Variants in ZC3H12C observed in about 807,000 individuals in gnomAD.
The protein encoded by ZC3H12C is probable ribonuclease ZC3H12C.
A neutral mutation model predicts 76.3 loss-of-function variants in ZC3H12C; 20 were observed. The ratio of observed to expected loss-of-function variants is 0.26; its 90% CI spans 0.18 to 0.38. The LOEUF is 0.38. ZC3H12C is among the 10% of genes least tolerant of loss of function. The probability of loss-of-function intolerance (pLI) is 1.00; values close to 1 mark genes in which losing one functional copy is unlikely to be tolerated. For synonymous variants in ZC3H12C, 352 were observed against 399.6 expected, an observed-to-expected ratio of 0.88 and a Z score of 1.42; for missense variants, 874 against 1,086.5, an observed-to-expected ratio of 0.80 and a Z score of 2.75.
intron 1 of ZC3H12C, among the ~76,000 whole-genome samples, chr11:110,096,368 T>A (rs1861112855): frequency 6.6e-6 from 1 of 152,206 alleles, no homozygotes; most frequent in Non-Finnish European, 1.5e-5. Context: ...TTCTCTACTG[T>A]TGTTTTGGTT....
chr11:110,108,568 T>G (rs1861372884), intron 1 of ZC3H12C, among the ~76,000 whole-genome samples: 3 of 152,250 alleles, frequency 2.0e-5, no homozygotes, highest in Admixed American at 6.5e-5. Context: ...ATTTAGGTAA[T>G]GTCTTCCTAT....
At chr11:110,156,829 C>T (rs1698601267) in intron 3 of ZC3H12C, among the ~76,000 whole-genome samples, 1 of 152,156 alleles carries the variant, frequency 6.6e-6, no homozygotes, top group South Asian at 2.1e-4. Context: ...TATATGACAG[C>T]TCCTATAATT....
intron 1 of ZC3H12C, among the ~76,000 whole-genome samples, chr11:110,103,889 C>T (rs1261766440): frequency 2.0e-5 from 3 of 152,148 alleles, no homozygotes; most frequent in African/African-American, 7.2e-5. Context: ...AGGCGTGAGC[C>T]ACCGCGCCTG....
chr11:110,157,152 C>A (rs2134195240), intron 3 of ZC3H12C, among the ~76,000 whole-genome samples: 1 of 147,272 alleles, frequency 6.8e-6, no homozygotes, highest in East Asian at 2.0e-4. Context: ...GCACTCCAGC[C>A]TGGGTGACGG....
At chr11:110,115,604 AT>A (rs1355477089) in intron 1 of ZC3H12C, among the ~76,000 whole-genome samples, 1 of 149,076 alleles carries the variant, frequency 6.7e-6, no homozygotes, top group Non-Finnish European at 1.5e-5. Context: ...CACCTGGCCT[AT>A]TTTGTTTTTT....
At chr11:110,122,546 A>G (rs1037070590) in intron 1 of ZC3H12C, among the ~76,000 whole-genome samples, 3 of 152,210 alleles carry the variant, frequency 2.0e-5, no homozygotes, top group Admixed American at 6.5e-5. Context: ...ATGGTCCCCA[A>G]TTGATGGTTG....
chr11:110,135,054 G>T (rs1221646400), intron 1 of ZC3H12C, among the ~76,000 whole-genome samples: 1 of 152,146 alleles, frequency 6.6e-6, no homozygotes, highest in Non-Finnish European at 1.5e-5. Flanking sequence ...GTGTAAATAT[G>T]ATGTTGAAGA....
chr11:110,159,502 C>CGTTT lies in ZC3H12C; in HGVS notation c.1148+12_1148+13insGTTT. ...TTTGTCAATGACAAGTAAGTAAAACCATTTACTTGCCAATGATACTGCTTC... is the reference window on the plus strand; with the variant it reads ...TTTGTCAATGACAAGTAAGTAAAACCGTTTATTTACTTGCCAATGATACTGCTTC... On this transcript the variant is annotated intron_variant, in intron 4 of 5. Transcript: ENST00000278590. 1 of 1,550,782 alleles carries CGTTT rather than the reference C, an allele frequency of 6.4e-7. No homozygotes were observed. The highest frequency in any genetic ancestry group is 8.8e-7 in the Non-Finnish European group (1 of 1,132,960).
At chr11:110,129,241 C>T (rs1485332394) in intron 1 of ZC3H12C, among the ~76,000 whole-genome samples, 1 of 152,262 alleles carries the variant, frequency 6.6e-6, no homozygotes, top group East Asian at 1.9e-4. Flanking sequence ...AATATTGGAA[C>T]TCTCTTGAGG....
In ZC3H12C at chr11:110,101,695, G is replaced by A. The variant is rs189738119; in HGVS notation, c.21+8263G>A. Among the ~76,000 whole-genome samples the A allele has an allele frequency of 8.5e-3, 1,292 of 151,966 alleles. 15 individuals carry two copies. The highest frequency in any genetic ancestry group is 0.029 in the African/African-American group (1,212 of 41,474). On this transcript the variant is annotated intron_variant, in intron 1 of 5. Coordinates refer to ENST00000278590, the MANE Select transcript of ZC3H12C (RefSeq NM_033390.2). ...CCCGAGCAGCTGGGACTACAGGCCC[G>A]CGCCACCACGTCCAGCTAATTTTTG...
chr11:110,162,044 G>T (rs1228296094), intron 4 of ZC3H12C, among the ~76,000 whole-genome samples: 1 of 152,204 alleles, frequency 6.6e-6, no homozygotes, highest in African/African-American at 2.4e-5. Context: ...TGAGGCAGGA[G>T]AATTGTTTGA....
intron 1 of ZC3H12C, 136 bp from the exon 2 acceptor site, chr11:110,136,527 G>A: frequency 1.1e-6 from 1 of 922,654 alleles, no homozygotes; most frequent in African/African-American, 1.7e-5. Context: ...CTTGGCAAGG[G>A]TGTTAGGAGG....
chr11:110,137,459 T>C, intron 2 of ZC3H12C, 45 bp downstream of exon 2: 1 of 1,521,380 alleles, frequency 6.6e-7, no homozygotes, highest in Admixed American at 2.3e-5. Context: ...AAATAATCTT[T>C]AAAAGCCTTA....
intron 3 of ZC3H12C, among the ~76,000 whole-genome samples, chr11:110,158,935 T>C (rs998620536): frequency 6.6e-6 from 1 of 152,258 alleles, no homozygotes; most frequent in African/African-American, 2.4e-5. Context: ...GAAGAAGCTG[T>C]GTCCATAGTG....
At chr11:110,112,303 A>G in intron 1 of ZC3H12C, among the ~76,000 whole-genome samples, 1 of 152,144 alleles carries the variant, frequency 6.6e-6, no homozygotes, top group East Asian at 1.9e-4. Flanking sequence ...GGCTCAAGCA[A>G]TCTTCCCACC....
Position 110,095,240 on chromosome 11 carries a change from C to T in ZC3H12C, c.21+1808C>T, listed in dbSNP as rs193026481. On this transcript the variant is annotated intron_variant, in intron 1 of 5. Transcript: ENST00000278590. ...CTAGGTTTTCATGGGTTACCAACGT[C>T]TGCAAAATCGGATCCCAAGTTGTTA... Among the ~76,000 whole-genome samples, 796 of 152,288 alleles carry T rather than the reference C, an allele frequency of 5.2e-3. 7 individuals carry two copies. The highest frequency in any genetic ancestry group is 8.0e-3 in the Non-Finnish European group (547 of 68,020).
intron 1 of ZC3H12C, among the ~76,000 whole-genome samples, chr11:110,128,524 T>C (rs892668816): frequency 1.3e-5 from 2 of 152,044 alleles, no homozygotes; most frequent in African/African-American, 4.8e-5. Context: ...AGCTGTAAAG[T>C]AGTAACTGTA....
In ZC3H12C at chr11:110,163,517, C is replaced by T. The variant is rs1017744534; in HGVS notation, c.1255+138C>T. The T allele has an allele frequency of 4.0e-5, 24 of 594,064 alleles. 1 individual carries two copies. The highest frequency in any genetic ancestry group is 2.9e-4 in the African/African-American group (15 of 52,232). 36.8% of individuals were successfully genotyped at this position (594,064 alleles called of 1,614,324 possible). ...TGGATTCCAGATAAATTTCAGAAAA[C>T]GTCTTAGCCATGAAAAAGAATTATT... On this transcript the variant is annotated intron_variant, in intron 5 of 5. Coordinates refer to ENST00000278590, the MANE Select transcript of ZC3H12C (RefSeq NM_033390.2).
intron 2 of ZC3H12C, among the ~76,000 whole-genome samples, chr11:110,150,910 G>A (rs1862260810): frequency 6.6e-6 from 1 of 151,912 alleles, no homozygotes; most frequent in Admixed American, 6.6e-5. Flanking sequence ...TCTTTTTCTG[G>A]GTATTCATAG....
Sources: allele counts gnomAD v4.1 joint callset (sites outside exome capture counted in the v4.1 genomes callset), GRCh38; gene constraint gnomAD v4.1.1; transcripts MANE v1.5; gene names NCBI Gene and HGNC (gene_info 2026-07-23, HGNC 2026-07-21).